The following KIAA0586 variants were observed in gnomAD, a reference collection of about 807,000 sequenced individuals.
KIAA0586 encodes the protein KIAA0586.
In KIAA0586, 144 loss-of-function variants were observed where a neutral mutation model predicts 169.8. That is an observed-to-expected ratio of 0.85 (90% CI 0.74 to 0.97). The LOEUF is 0.97. Ranked by LOEUF, KIAA0586 falls within the 50% of genes least tolerant of loss-of-function variation. KIAA0586 has a pLI of 0.00. For synonymous variants in KIAA0586, 625 were observed against 612.4 expected (o/e 1.02, Z -0.30); for missense variants, 1,854 against 1,823.0 (o/e 1.02, Z -0.31).
intron 28 of KIAA0586, among the ~76,000 whole-genome samples, chr14:58,510,556 C>G (rs990390672): frequency 2.1e-4 from 32 of 152,048 alleles, no homozygotes; most frequent in African/African-American, 7.2e-4. Flanking sequence ...ACGATCCAAC[C>G]CCTATGGAAA....
chr14:58,451,075 G>A (rs1302458242), intron 8 of KIAA0586, among the ~76,000 whole-genome samples: 10 of 144,202 alleles, frequency 6.9e-5, no homozygotes, highest in Non-Finnish European at 1.2e-4. Context: ...TGCAAGCTCC[G>A]CCTCCCGGGT....
chr14:58,460,421 T>G (rs1261013753), intron 13 of KIAA0586, among the ~76,000 whole-genome samples: 1 of 152,128 alleles, frequency 6.6e-6, no homozygotes, highest in Non-Finnish European at 1.5e-5. Flanking sequence ...TATTTTTCAG[T>G]TTAACAAATG....
At chr14:58,465,007 G>T (rs1017503665) in intron 14 of KIAA0586, among the ~76,000 whole-genome samples, 2 of 152,136 alleles carry the variant, frequency 1.3e-5, no homozygotes, top group African/African-American at 4.8e-5. Context: ...GGGAGGCAGA[G>T]GTTGCATTGA....
the KIAA0586 span, among the ~76,000 whole-genome samples, chr14:58,556,459 C>A: frequency 3.3e-5 from 5 of 152,260 alleles, no homozygotes; most frequent in South Asian, 1.0e-3. Flanking sequence ...TAGTGGAGAG[C>A]TCAATGAATT....
At chr14:58,480,536 G>A (rs1323816738) in intron 20 of KIAA0586, among the ~76,000 whole-genome samples, 1 of 152,110 alleles carries the variant, frequency 6.6e-6, no homozygotes, top group African/African-American at 2.4e-5. Flanking sequence ...ACAACTTGCA[G>A]TTCTGCTGGT....
At chr14:58,453,770 G>A (rs753580562) in intron 9 of KIAA0586, among the ~76,000 whole-genome samples, 1 of 152,108 alleles carries the variant, frequency 6.6e-6, no homozygotes, top group Non-Finnish European at 1.5e-5. Context: ...GGGCAAGTAA[G>A]TTGGGAGTAT....
chr14:58,484,925 T>TAAATATATATA (rs1491269229), intron 21 of KIAA0586, among the ~76,000 whole-genome samples: 1 of 12,992 alleles, frequency 7.7e-5, no homozygotes, highest in Non-Finnish European at 1.3e-4. Flanking sequence ...TATATATATA[T>TAAATATATATA]TTTTTTTTTT....
intron 29 of KIAA0586, among the ~76,000 whole-genome samples, chr14:58,532,072 A>G (rs1230791916): frequency 6.6e-6 from 1 of 152,062 alleles, no homozygotes; most frequent in Non-Finnish European, 1.5e-5. Flanking sequence ...GTTAGGAGAA[A>G]TACCTAATGT....
At chr14:58,485,047 C>T (rs2042348833) in intron 21 of KIAA0586, among the ~76,000 whole-genome samples, 1 of 142,774 alleles carries the variant, frequency 7.0e-6, no homozygotes, top group African/African-American at 2.6e-5. Flanking sequence ...CCTCAGCCTC[C>T]TAAGTAGCTG....
intron 29 of KIAA0586, among the ~76,000 whole-genome samples, chr14:58,529,861 A>G (rs761883509): frequency 7.2e-5 from 11 of 152,196 alleles, no homozygotes; most frequent in African/African-American, 9.6e-5. Flanking sequence ...GGCCAGGGCA[A>G]TCAGGCAAGA....
intron 30 of KIAA0586, among the ~76,000 whole-genome samples, chr14:58,544,710 T>C (rs1427144815): frequency 1.3e-5 from 2 of 152,232 alleles, no homozygotes; most frequent in African/African-American, 4.8e-5. Flanking sequence ...TTTTCTCTAA[T>C]ACATTTGTTT....
chr14:58,477,702 AT>A (rs1215363873), intron 20 of KIAA0586, among the ~76,000 whole-genome samples: 10 of 151,348 alleles, frequency 6.6e-5, no homozygotes, highest in Non-Finnish European at 1.3e-4. Context: ...TCTTTTCTCC[AT>A]TTTTTTCTTT....
chr14:58,434,568 A>G (rs1424969328), intron 4 of KIAA0586, among the ~76,000 whole-genome samples: 1 of 152,228 alleles, frequency 6.6e-6, no homozygotes, highest in Non-Finnish European at 1.5e-5. Flanking sequence ...GTTTCATCAG[A>G]GATATTTTCA....
chr14:58,507,752 T>G (rs768072695), intron 27 of KIAA0586, among the ~76,000 whole-genome samples: 1 of 146,492 alleles, frequency 6.8e-6, no homozygotes, highest in Non-Finnish European at 1.5e-5. Flanking sequence ...TTCTTTTTAC[T>G]GATTTGACTG....
chr14:58,550,396 T>A lies in KIAA0586; in HGVS notation c.*2464T>A, dbSNP rs188518194. The A allele has an allele frequency of 6.6e-6, 1 of 152,364 alleles. No individual in the cohort carries two copies. The highest frequency in any genetic ancestry group is 1.9e-4 in the East Asian group (1 of 5,188). 9.4% of individuals were successfully genotyped at this position (152,364 alleles called of 1,614,324 possible). A position where few individuals can be genotyped will look rare whatever the true frequency, so the allele number is the denominator to read the frequency against. ...TTCAGATTCTTTTGGAATAAGACGATGTACGTAAAAACAAACTAAATGGAA... is the reference window on the plus strand; with the variant it reads ...TTCAGATTCTTTTGGAATAAGACGAAGTACGTAAAAACAAACTAAATGGAA... On this transcript the variant is annotated 3_prime_UTR_variant, in exon 31 of 31. Transcript: ENST00000652326.
intron 20 of KIAA0586, among the ~76,000 whole-genome samples, chr14:58,478,007 T>C (rs1163458203): frequency 6.6e-6 from 1 of 152,070 alleles, no homozygotes; most frequent in African/African-American, 2.4e-5. Context: ...GTTTGACAAG[T>C]TTTTTGTTTG....
chr14:58,446,688 A>C (rs2140631312), intron 6 of KIAA0586, among the ~76,000 whole-genome samples: 1 of 152,292 alleles, frequency 6.6e-6, no homozygotes, highest in East Asian at 1.9e-4. Flanking sequence ...ATAATTTTCA[A>C]GACTTAACAG....
In KIAA0586 at chr14:58,427,962, G is replaced by T; in HGVS notation, c.-303G>T. The T allele has an allele frequency of 7.1e-7, 1 of 1,407,750 alleles. No individual in the cohort carries two copies. 87.2% of individuals were successfully genotyped at this position (1,407,750 alleles called of 1,614,324 possible). A position where few individuals can be genotyped will look rare whatever the true frequency, so the allele number is the denominator to read the frequency against. On this transcript the variant is annotated 5_prime_UTR_variant, in exon 1 of 31. Transcript: ENST00000652326. ...ACATGTGTTTGGTTTTGCCCTACCA[G>T]CTCTGGGGTTGGGGAGTGCACTGTT... is the stretch of plus-strand genomic sequence containing the variant.
chr14:58,443,903 AT>A (rs2038628693), intron 5 of KIAA0586, 50 bp from the exon 6 acceptor site: 3 of 1,080,014 alleles, frequency 2.8e-6, no homozygotes, highest in South Asian at 1.5e-5. Flanking sequence ...AATTAGACAT[AT>A]TTTTGGTATC....
Sources: gnomAD v4.1 joint callset for allele counts (sites outside exome capture counted in the v4.1 genomes callset) on GRCh38, gnomAD v4.1.1 for gene constraint, MANE v1.5 for transcripts, NCBI Gene and HGNC (gene_info 2026-07-23, HGNC 2026-07-21) for gene names.